The following AKR1B1 variants were observed in gnomAD, a reference collection of about 807,000 sequenced individuals.
AKR1B1 encodes aldo-keto reductase family 1 member B.
Under a neutral mutation model 40.4 loss-of-function variants are expected in AKR1B1, and 22 were observed. The observed-to-expected ratio is 0.54, with a 90% CI of 0.39 to 0.78. The LOEUF (loss-of-function observed/expected upper bound fraction) is 0.78. Ranked by LOEUF, AKR1B1 falls within the 30% of genes least tolerant of loss-of-function variation. The pLI, the probability that AKR1B1 is intolerant of heterozygous loss-of-function variation, is 0.00. For missense variants in AKR1B1, 357 were observed against 396.7 expected, an observed-to-expected ratio of 0.90 and a Z score of 0.85; for synonymous variants, 157 against 149.9, an observed-to-expected ratio of 1.05 and a Z score of -0.35.
chr7:134,443,175 T>C (rs747884753), intron 9 of AKR1B1, among the ~76,000 whole-genome samples: 36 of 152,244 alleles, frequency 2.4e-4, no homozygotes, highest in Non-Finnish European at 4.3e-4. Context: ...AATCCCAGGC[T>C]GAAGCGAGAG....
In AKR1B1 at chr7:134,449,596, AAAAG is replaced by A. The variant is rs561799745; in HGVS notation, c.429+120_429+123del. The A allele has an allele frequency of 3.0e-4, 259 of 876,118 alleles. No individual in the cohort carries two copies. In the African/African-American group the frequency reaches 3.3e-3, roughly 11 times the overall value. 54.3% of individuals were successfully genotyped at this position (876,118 alleles called of 1,614,324 possible). A position where few individuals can be genotyped will look rare whatever the true frequency, so the allele number is the denominator to read the frequency against. On this transcript the variant is annotated intron_variant, in intron 4 of 9. Coordinates refer to ENST00000285930, the MANE Select transcript of AKR1B1 (RefSeq NM_001628.4). ...AGGGAGACCCCAACTCAAAAAAAAA[AAAAG>A]AGAGAGCAAACAACAGGGACAGAAT...
At chr7:134,443,304 T>C (rs369853435) in intron 9 of AKR1B1, among the ~76,000 whole-genome samples, 40 of 152,222 alleles carry the variant, frequency 2.6e-4, no homozygotes, top group African/African-American at 7.9e-4. Flanking sequence ...CCCCAGCTAC[T>C]TGGGAGGCTG....
intron 5 of AKR1B1, 97 bp from the exon 6 acceptor site, chr7:134,448,590 T>C: frequency 2.2e-6 from 2 of 892,360 alleles, no homozygotes; most frequent in South Asian, 1.4e-5. Context: ...CCCTACCCCA[T>C]ACAGAAAACT....
intron 1 of AKR1B1, among the ~76,000 whole-genome samples, chr7:134,458,257 T>C (rs1049088509): frequency 6.6e-5 from 10 of 152,114 alleles, no homozygotes; most frequent in Non-Finnish European, 1.2e-4. Context: ...GGACGCTGTG[T>C]GGTGTTGAGG....
intron 8 of AKR1B1, among the ~76,000 whole-genome samples, chr7:134,446,894 A>G (rs1026585381): frequency 1.3e-5 from 2 of 152,212 alleles, no homozygotes; most frequent in Non-Finnish European, 2.9e-5. Flanking sequence ...CTCAAAATGG[A>G]TATTATTTTA....
intron 2 of AKR1B1, chr7:134,451,300 G>A (rs1806280168): frequency 1.8e-6 from 1 of 546,254 alleles, no homozygotes; most frequent in Admixed American, 3.0e-5. Context: ...TGGGAACCAA[G>A]TTCCATCCTT....
rs115549384 is a variant in AKR1B1 at position 134,451,595 on chromosome 7, G to A, written c.225C>T (p.Ile75=). The A allele has an allele frequency of 6.8e-5, 109 of 1,613,830 alleles. No homozygotes were observed. Among genetic ancestry groups the A allele is most frequent in the Middle Eastern group, 3.4e-4 (2 of 5,966 alleles). ...CACCGCGGAACGATACCTTGCTGACGATGAAGAGCTCCTCACGCTTCACCA... is the reference window on the plus strand; with the variant it reads ...CACCGCGGAACGATACCTTGCTGACAATGAAGAGCTCCTCACGCTTCACCA... ...EQVVKREELF[I]VSKLWCTYHE... The change falls in exon 2 of 10, where the codon ATC becomes ATT. Residue 75 remains isoleucine (I), a synonymous_variant. Transcript: ENST00000285930.
At position 134,459,011 on chromosome 7, in the gene AKR1B1, A is replaced by C; in HGVS notation, c.52T>G (p.Leu18Val). The C allele has an allele frequency of 6.2e-7, 1 of 1,607,970 alleles. No individual in the cohort carries two copies. ...CGAGCACCTACCTTCCAGGTACCCA[A>C]CCCCAGGATGGGCATCTTGGCGCCG... ...NNGAKMPILG[L>V]GTWKSPPGQV... The change falls in exon 1 of 10, where the codon TTG (leucine) becomes GTG (valine). Residue 18 changes from leucine (L) to valine (V), a missense_variant. Physicochemically the swap from Leu to Val is conservative, Grantham distance 32. Coordinates refer to ENST00000285930, the MANE Select transcript of AKR1B1 (RefSeq NM_001628.4).
At chr7:134,449,396 C>T (rs1248177727) in intron 4 of AKR1B1, 6 of 563,794 alleles carry the variant, frequency 1.1e-5, no homozygotes, top group Middle Eastern at 4.8e-4. Context: ...ACCATCCTGG[C>T]TAACACGGTG....
chr7:134,449,836 G>A, intron 3 of AKR1B1, 39 bp from the exon 4 acceptor site: 1 of 1,542,908 alleles, frequency 6.5e-7, no homozygotes, highest in African/African-American at 1.4e-5. Context: ...AAAACAATCA[G>A]TAATAGTCCT....
intron 1 of AKR1B1, 59 bp from the exon 2 acceptor site, chr7:134,451,812 G>T: frequency 6.3e-7 from 1 of 1,582,204 alleles, no homozygotes; most frequent in Non-Finnish European, 8.6e-7. Context: ...CAAGGAGGAG[G>T]GGCAGTGGCA....
intron 9 of AKR1B1, among the ~76,000 whole-genome samples, chr7:134,443,218 TG>T (rs933986973): frequency 2.0e-5 from 3 of 152,218 alleles, no homozygotes; most frequent in African/African-American, 7.2e-5. Context: ...GCGACTAGCC[TG>T]GGCAACATAG....
At chr7:134,444,461 C>A (rs772484910) in intron 9 of AKR1B1, among the ~76,000 whole-genome samples, 1 of 152,178 alleles carries the variant, frequency 6.6e-6, no homozygotes, top group Non-Finnish European at 1.5e-5. Flanking sequence ...AGCTGGTAGC[C>A]CACCCCATCT....
chr7:134,447,774 A>G, intron 7 of AKR1B1: 1 of 670,900 alleles, frequency 1.5e-6, no homozygotes, highest in Non-Finnish European at 2.7e-6. Flanking sequence ...CCCTTGCAGT[A>G]GTGGGGGCAG....
intron 6 of AKR1B1, 107 bp downstream of exon 6, chr7:134,448,280 T>C (rs1806165984): frequency 9.0e-7 from 1 of 1,113,250 alleles, no homozygotes; most frequent in South Asian, 1.3e-5. Flanking sequence ...CAGGGGAAGT[T>C]TTGCAGATCA....
At chr7:134,449,547 A>T (rs1006142616) in intron 4 of AKR1B1, 173 bp downstream of exon 4, 21 of 655,712 alleles carry the variant, frequency 3.2e-5, no homozygotes, top group Non-Finnish European at 5.1e-5. Flanking sequence ...AGATTGTGCC[A>T]CTGCACTCCA....
rs191790080 is a variant in AKR1B1, at chr7:134,449,658, T to C, written c.429+62A>G. 1.1e-4 allele frequency: 144 copies of C among 1,268,104 alleles called. 1 individual carries two copies. In the East Asian group the frequency reaches 3.3e-3, roughly 29 times the overall value. The allele number at this position is 1,268,104 out of a possible 1,614,324, so 78.6% of individuals were successfully genotyped here. A position where few individuals can be genotyped will look rare whatever the true frequency, so the allele number is the denominator to read the frequency against. ...TGCAATGTGAGAAATGGCAGGCAGA[T>C]TGCTTCTAAGAAGAAGAGGGAACCA... On this transcript the variant is annotated intron_variant, in intron 4 of 9. Coordinates refer to ENST00000285930, the MANE Select transcript of AKR1B1 (RefSeq NM_001628.4).
intron 7 of AKR1B1, 172 bp from the exon 8 acceptor site, chr7:134,447,553 G>T: frequency 1.5e-6 from 1 of 688,460 alleles, no homozygotes; most frequent in Non-Finnish European, 2.6e-6. Flanking sequence ...ACGCATTCAG[G>T]TCCAGATCTG....
intron 8 of AKR1B1, among the ~76,000 whole-genome samples, chr7:134,446,620 A>G (rs1248124445): frequency 6.6e-6 from 1 of 151,698 alleles, no homozygotes; most frequent in Non-Finnish European, 1.5e-5. Flanking sequence ...CAATGCTGCA[A>G]GGGCAGGCAG....
Sources: gnomAD v4.1 joint callset for allele counts (sites outside exome capture counted in the v4.1 genomes callset) on GRCh38, gnomAD v4.1.1 for gene constraint, MANE v1.5 for transcripts, NCBI Gene and HGNC (gene_info 2026-07-23, HGNC 2026-07-21) for gene names.